Variants in USP34 observed in about 807,000 individuals in gnomAD.
The protein encoded by USP34 is ubiquitin carboxyl-terminal hydrolase 34.
Under a neutral mutation model 460.3 loss-of-function variants are expected in USP34, and 70 were observed. That is an observed-to-expected ratio of 0.15 (90% confidence interval 0.13 to 0.19). The LOEUF is 0.19. Among genes scored for constraint, USP34 ranks in the 10% least tolerant of loss-of-function variants. The pLI, the probability that USP34 is intolerant of heterozygous loss-of-function variation, is 1.00. For missense variants in USP34, 3,985 were observed against 4,236.2 expected (o/e 0.94, Z 1.65); for synonymous variants, 1,647 against 1,405.3 (o/e 1.17, Z -3.85).
intron 10 of USP34, among the ~76,000 whole-genome samples, chr2:61,354,990 G>A (rs72886847): frequency 8.0e-4 from 122 of 152,234 alleles, no homozygotes; most frequent in African/African-American, 2.6e-3. Flanking sequence ...TGTTGTTGCT[G>A]TATCCCCCAT....
chr2:61,404,116 T>C (rs578207952), intron 3 of USP34, among the ~76,000 whole-genome samples: 3 of 150,890 alleles, frequency 2.0e-5, no homozygotes, highest in Non-Finnish European at 4.4e-5. Flanking sequence ...TTACGAAGAA[T>C]TCTAACAGGG....
chr2:61,340,743 C>T (rs1691571601), intron 16 of USP34, among the ~76,000 whole-genome samples: 1 of 151,924 alleles, frequency 6.6e-6, no homozygotes, highest in Non-Finnish European at 1.5e-5. Context: ...AAGTAATTTG[C>T]CACTCTTTTA....
intron 75 of USP34, 84 bp from the exon 76 acceptor site, chr2:61,193,064 G>C: frequency 9.5e-7 from 1 of 1,055,726 alleles, no homozygotes; most frequent in South Asian, 1.5e-5. Context: ...CAATATTACA[G>C]CTATTTCTAG....
chr2:61,467,317 A>G (rs548625181), intron 1 of USP34, among the ~76,000 whole-genome samples: 3 of 152,058 alleles, frequency 2.0e-5, no homozygotes, highest in South Asian at 4.2e-4. Flanking sequence ...TAAAAAATAA[A>G]AAAATAATAA....
chr2:61,310,236 G>A (rs1452464809), intron 27 of USP34, among the ~76,000 whole-genome samples: 1 of 152,070 alleles, frequency 6.6e-6, no homozygotes, highest in East Asian at 1.9e-4. Context: ...TTTGGATCCA[G>A]AAATTCCATA....
intron 1 of USP34, among the ~76,000 whole-genome samples, chr2:61,430,201 C>T (rs1459206289): frequency 2.9e-5 from 4 of 138,986 alleles, no homozygotes; most frequent in Admixed American, 7.8e-5. Flanking sequence ...GGCGACAGAG[C>T]GAGTCTTCGT....
At position 61,214,175 on chromosome 2, in the gene USP34, C is replaced by G. The variant is rs770929603; in HGVS notation, c.8567G>C (p.Gly2856Ala). ...CTGCTCACAGCAGAGCCTCAGAATG[C>G]CATAGTACGCTGGCAGCATCCCACG... is the stretch of plus-strand genomic sequence containing the variant. Reference protein sequence around the residue: ...FNRGMLPAYYGILRLCCEQSP... With the variant: ...FNRGMLPAYYAILRLCCEQSP... Residue 2856 changes from glycine (G) to alanine (A), a missense_variant, in exon 68 of 80, where the codon GGC becomes GCC. Around this residue, in one of 14 missense-constraint regions of USP34, gnomAD observed 66 missense variants for 121.2 expected, o/e 0.54. Transcript: ENST00000398571. The G allele has an allele frequency of 5.3e-5, 86 of 1,614,048 alleles. No homozygotes were observed. Among genetic ancestry groups the G allele is most frequent in the Non-Finnish European group, 6.8e-5 (80 of 1,180,026 alleles).
Position 61,228,881 on chromosome 2 carries a change from A to G in USP34, c.7314T>C (p.His2438=). 1 of 1,608,780 alleles carries G rather than the reference A, an allele frequency of 6.2e-7. No individual in the cohort carries two copies. The highest frequency in any genetic ancestry group is 8.5e-7 in the Non-Finnish European group (1 of 1,177,650). The change falls in exon 60 of 80, where the codon CAT becomes CAC. Residue 2438 remains histidine, a synonymous_variant. Transcript: ENST00000398571. ...AAAGGAAGGCAAAATACTCTGTAAGATGTTTACTGTGAGGTTTTACACCAT... is the reference window on the plus strand; with the variant it reads ...AAAGGAAGGCAAAATACTCTGTAAGGTGTTTACTGTGAGGTTTTACACCAT... ...MEHGVKPHSK[H]LTEYFAFLYE...
At chr2:61,409,737 T>C (rs567803494) in intron 2 of USP34, among the ~76,000 whole-genome samples, 1 of 151,960 alleles carries the variant, frequency 6.6e-6, no homozygotes, top group East Asian at 1.9e-4. Context: ...ATAAATAAAA[T>C]AAGTGTTAGA....
At chr2:61,420,161 CTAAGTT>C (rs1338211299) in intron 2 of USP34, among the ~76,000 whole-genome samples, 4 of 152,078 alleles carry the variant, frequency 2.6e-5, no homozygotes, top group Non-Finnish European at 4.4e-5. Flanking sequence ...TTTAGAAGGA[CTAAGTT>C]TAAGTTAAAG....
chr2:61,310,038 TAAA>T (rs1558522973), intron 27 of USP34, among the ~76,000 whole-genome samples: 1 of 152,040 alleles, frequency 6.6e-6, no homozygotes, highest in African/African-American at 2.4e-5. Context: ...TAAAGAACAC[TAAA>T]AAAACAAATT....
intron 48 of USP34, 81 bp downstream of exon 48, chr2:61,256,302 CA>C (rs1170787068): frequency 5.7e-5 from 73 of 1,287,448 alleles, no homozygotes; most frequent in Middle Eastern, 1.9e-4. Context: ...TAATTTCCAC[CA>C]AAGTTTAATC....
At chr2:61,307,428 G>A (rs993639646) in intron 27 of USP34, among the ~76,000 whole-genome samples, 4 of 151,724 alleles carry the variant, frequency 2.6e-5, no homozygotes, top group African/African-American at 7.3e-5. Context: ...ACAAACCTGC[G>A]CGTTGTGCAC....
chr2:61,371,921 C>G (rs953311404), intron 8 of USP34, among the ~76,000 whole-genome samples: 2 of 152,230 alleles, frequency 1.3e-5, no homozygotes, highest in Middle Eastern at 3.4e-3. Context: ...CAGTAAGATG[C>G]TGTACAGGCT....
chr2:61,259,819 G>A (rs372213381), intron 43 of USP34, 43 bp from the exon 44 acceptor site: 79 of 1,581,834 alleles, frequency 5.0e-5, no homozygotes, highest in Non-Finnish European at 6.0e-5. Context: ...CAGACATGAT[G>A]GTAGTAAATT....
rs764622929 is a variant in USP34, at chr2:61,348,181, G to A, written c.1974C>T (p.Ser658=). 12 of 1,614,022 alleles carry A rather than the reference G, an allele frequency of 7.4e-6. No individual in the cohort carries two copies. Among genetic ancestry groups the A allele is most frequent in the Admixed American group, 6.7e-5 (4 of 59,984 alleles). Residue 658 remains serine (S), a synonymous_variant, in exon 15 of 80, where the codon TCC becomes TCT. Coordinates refer to ENST00000398571, the MANE Select transcript of USP34 (RefSeq NM_014709.4). ...TCCCATTTCTTTCTGACATGCCTTGGGAGTCCCCCAGGCAAATGCCTGCTT... is the reference window on the plus strand; with the variant it reads ...TCCCATTTCTTTCTGACATGCCTTGAGAGTCCCCCAGGCAAATGCCTGCTT... ...ESQAGICLGD[S]QGMSERNGTS...
At chr2:61,346,873 C>G (rs1259383922) in intron 15 of USP34, among the ~76,000 whole-genome samples, 1 of 146,118 alleles carries the variant, frequency 6.8e-6, no homozygotes, top group Non-Finnish European at 1.5e-5. Context: ...CCTGGTGGCT[C>G]ACACCTGTGA....
At chr2:61,268,521 T>A (rs1381009585) in intron 41 of USP34, among the ~76,000 whole-genome samples, 1 of 148,774 alleles carries the variant, frequency 6.7e-6, no homozygotes, top group East Asian at 2.0e-4. Flanking sequence ...TGTTCTCTCA[T>A]GGCCTTCTGC....
chr2:61,427,857 G>A (rs1197877628), intron 1 of USP34, among the ~76,000 whole-genome samples: 1 of 151,982 alleles, frequency 6.6e-6, no homozygotes, highest in Non-Finnish European at 1.5e-5. Flanking sequence ...AGCCTCAAAA[G>A]GGCAAATCTA....
Sources: gnomAD v4.1 joint callset for allele counts (sites outside exome capture counted in the v4.1 genomes callset) on GRCh38, gnomAD v4.1.1 for gene constraint, gnomAD v4.1.1 regional missense constraint, MANE v1.5 for transcripts, NCBI Gene and HGNC (gene_info 2026-07-23, HGNC 2026-07-21) for gene names.